Variants in FARP1 observed in about 807,000 individuals in gnomAD.
FARP1 encodes FERM, ARH/RhoGEF and pleckstrin domain protein 1.
In FARP1, 52 loss-of-function variants were observed where a neutral mutation model predicts 128.8. The ratio of observed to expected loss-of-function variants is 0.40; its 90% CI spans 0.32 to 0.51. The LOEUF is 0.51. Among genes scored for constraint, FARP1 ranks in the 20% least tolerant of loss-of-function variants. The pLI, the probability that FARP1 is intolerant of heterozygous loss-of-function variation, is 0.45. For missense variants in FARP1, 1,333 were observed against 1,367.9 expected (o/e 0.97, Z 0.40); for synonymous variants, 580 against 551.8 (o/e 1.05, Z -0.72).
chr13:98,295,093 AC>A lies in FARP1; in HGVS notation c.172-48668del, dbSNP rs1885619364. Among the ~76,000 whole-genome samples the A allele has an allele frequency of 1.9e-4, 7 of 36,290 alleles. 1 individual carries two copies. The highest frequency in any genetic ancestry group is 9.4e-4 in the South Asian group (1 of 1,066). The allele number at this position is 36,290 out of a possible 152,430, so 23.8% of individuals were successfully genotyped here. On this transcript the variant is annotated intron_variant, in intron 2 of 26. Coordinates refer to ENST00000319562, the MANE Select transcript of FARP1 (RefSeq NM_005766.4). ...CACACACACACACACACACACACAC[AC>A]ACACACACACATATATCCCCAGGCA...
intron 2 of FARP1, among the ~76,000 whole-genome samples, chr13:98,292,122 CT>C (rs1258457510): frequency 2.0e-5 from 3 of 152,150 alleles, no homozygotes; most frequent in African/African-American, 7.2e-5. Flanking sequence ...AGTGTGTGCC[CT>C]TAAGTGTGTT....
At chr13:98,166,686 C>T (rs1025330725) in intron 1 of FARP1, among the ~76,000 whole-genome samples, 1 of 151,722 alleles carries the variant, frequency 6.6e-6, no homozygotes, top group African/African-American at 2.4e-5. Flanking sequence ...ATATTTTCAC[C>T]TGTCCTAATC....
At chr13:98,220,856 A>C (rs6491407) in intron 2 of FARP1, among the ~76,000 whole-genome samples, 94,540 of 151,536 alleles carry the variant, frequency 0.62, 31,082 homozygotes, top group African/African-American at 0.84. Context: ...TTGCTATTTT[A>C]TCCCTGAAAA....
chr13:98,243,541 A>G (rs776607442), intron 2 of FARP1, among the ~76,000 whole-genome samples: 43 of 151,814 alleles, frequency 2.8e-4, no homozygotes, highest in Non-Finnish European at 5.3e-4. Flanking sequence ...TAAAAATAAA[A>G]AAAAAAATTA....
chr13:98,214,416 A>T (rs1036311986), intron 2 of FARP1, among the ~76,000 whole-genome samples: 1 of 152,058 alleles, frequency 6.6e-6, no homozygotes, highest in Non-Finnish European at 1.5e-5. Flanking sequence ...GAGGAGGAAG[A>T]TAACTCTTGA....
At chr13:98,341,409 C>T (rs1298162123) in intron 2 of FARP1, among the ~76,000 whole-genome samples, 4 of 151,894 alleles carry the variant, frequency 2.6e-5, no homozygotes, top group African/African-American at 4.8e-5. Flanking sequence ...TGAGGCAGGC[C>T]GATTACGAGG....
At chr13:98,162,310 G>A (rs1223942828) in intron 1 of FARP1, among the ~76,000 whole-genome samples, 1 of 152,206 alleles carries the variant, frequency 6.6e-6, no homozygotes, top group African/African-American at 2.4e-5. Flanking sequence ...AAGTGGCATA[G>A]GACAGATTTC....
At chr13:98,386,193 T>TC (rs1555342703) in intron 8 of FARP1, among the ~76,000 whole-genome samples, 31,642 of 147,626 alleles carry the variant, frequency 0.21, 3,597 homozygotes, top group African/African-American at 0.32. Context: ...GATCCTTTTT[T>TC]TTTTTTTTTT....
intron 2 of FARP1, among the ~76,000 whole-genome samples, chr13:98,273,468 C>G (rs1884485242): frequency 6.6e-6 from 1 of 152,178 alleles, no homozygotes; most frequent in Admixed American, 6.5e-5. Flanking sequence ...TCTAACCTCC[C>G]TTCCCATCCT....
chr13:98,185,447 C>CTTTTCTGT (rs1299465906), intron 1 of FARP1, among the ~76,000 whole-genome samples: 2 of 152,050 alleles, frequency 1.3e-5, no homozygotes, highest in Non-Finnish European at 2.9e-5. Flanking sequence ...GGGGGGCTTC[C>CTTTTCTGT]TTTTCTGTTT....
At chr13:98,149,151 G>A (rs1875788237) in intron 1 of FARP1, among the ~76,000 whole-genome samples, 1 of 152,148 alleles carries the variant, frequency 6.6e-6, no homozygotes, top group Non-Finnish European at 1.5e-5. Context: ...GCCTCCCAAA[G>A]TGCTGGGATT....
chr13:98,170,449 C>T (rs1310690132), intron 1 of FARP1, among the ~76,000 whole-genome samples: 2 of 152,178 alleles, frequency 1.3e-5, no homozygotes, highest in Admixed American at 6.5e-5. Context: ...CTCCACCTCC[C>T]GGGTTCAAGC....
At chr13:98,406,524 A>G (rs1490658315) in intron 13 of FARP1, 1 of 152,240 alleles carries the variant, frequency 6.6e-6, no homozygotes, top group African/African-American at 2.4e-5. Flanking sequence ...CGTCTTGGGA[A>G]AAGGCCAACT....
intron 18 of FARP1, chr13:98,432,242 C>T (rs8000488): frequency 0.33 from 50,116 of 152,144 alleles, 8,775 homozygotes; most frequent in Non-Finnish European, 0.39. Context: ...ACTTGCTCAG[C>T]CCCAGGCCAG....
At chr13:98,201,868 G>T (rs1879973196) in intron 1 of FARP1, among the ~76,000 whole-genome samples, 1 of 152,154 alleles carries the variant, frequency 6.6e-6, no homozygotes, top group South Asian at 2.1e-4. Flanking sequence ...TTGAAATAGG[G>T]GTACCCTGCT....
intron 2 of FARP1, among the ~76,000 whole-genome samples, chr13:98,246,567 G>C (rs1883077867): frequency 1.3e-5 from 2 of 152,248 alleles, no homozygotes; most frequent in South Asian, 4.1e-4. Context: ...TTGTGTGCCT[G>C]TGTGTTTGTG....
chr13:98,261,387 G>A (rs539004554), intron 2 of FARP1, among the ~76,000 whole-genome samples: 4 of 152,166 alleles, frequency 2.6e-5, no homozygotes, highest in Non-Finnish European at 5.9e-5. Context: ...CCGGGTGTCC[G>A]TTCACCTTGA....
intron 2 of FARP1, among the ~76,000 whole-genome samples, chr13:98,342,393 T>C (rs569412269): frequency 6.6e-6 from 1 of 152,216 alleles, no homozygotes; most frequent in Non-Finnish European, 1.5e-5. Context: ...TGGAATATTA[T>C]TCCACAGTAA....
intron 2 of FARP1, among the ~76,000 whole-genome samples, chr13:98,230,725 G>A (rs1365816355): frequency 1.3e-5 from 2 of 152,170 alleles, no homozygotes; most frequent in East Asian, 1.9e-4. Flanking sequence ...TGGGCATAAC[G>A]AGTCTCAAAG....
Sources: allele counts gnomAD v4.1 joint callset (sites outside exome capture counted in the v4.1 genomes callset), GRCh38; gene constraint gnomAD v4.1.1; transcripts MANE v1.5; gene names NCBI Gene and HGNC (gene_info 2026-07-23, HGNC 2026-07-21).